SLC43A2: variants seen among roughly 807,000 people sequenced by gnomAD.
SLC43A2 encodes the protein solute carrier family 43 member 2.
SLC43A2 carries 38 observed loss-of-function variants against 63.2 expected under a neutral mutation model. That is an observed-to-expected ratio of 0.60 (90% confidence interval 0.46 to 0.79). The LOEUF (loss-of-function observed/expected upper bound fraction) is 0.79. SLC43A2 is among the 30% of genes least tolerant of loss of function. The probability of loss-of-function intolerance (pLI) is 0.00; values close to 1 mark genes in which losing one functional copy is unlikely to be tolerated. For synonymous variants in SLC43A2, 322 were observed against 331.0 expected, an observed-to-expected ratio of 0.97 and a Z score of 0.30; for missense variants, 644 against 756.2, an observed-to-expected ratio of 0.85 and a Z score of 1.74.
intron 3 of SLC43A2, among the ~76,000 whole-genome samples, chr17:1,615,821 C>G (rs940180860): frequency 7.2e-6 from 1 of 139,290 alleles, no homozygotes; most frequent in Non-Finnish European, 1.5e-5. Context: ...CTAGCCTGGG[C>G]GACAGAGGGA....
chr17:1,616,911 G>A (rs938510462), intron 2 of SLC43A2, 142 bp from the exon 3 acceptor site: 42 of 894,786 alleles, frequency 4.7e-5, no homozygotes, highest in Middle Eastern at 3.4e-4. Context: ...AGGCTACCCC[G>A]CAGCAGGCTT....
At chr17:1,576,863 G>GTTTT (rs35969643) in intron 12 of SLC43A2, 143 bp from the exon 13 acceptor site, 110 of 577,824 alleles carry the variant, frequency 1.9e-4, no homozygotes, top group Middle Eastern at 4.9e-4. Context: ...GGGCAGTTCT[G>GTTTT]TTTTTTTTTT....
chr17:1,616,294 A>G, intron 3 of SLC43A2: 1 of 500,698 alleles, frequency 2.0e-6, no homozygotes, highest in Non-Finnish European at 3.5e-6. Context: ...CTACAAAGGG[A>G]TGGGAAACAC....
intron 11 of SLC43A2, among the ~76,000 whole-genome samples, chr17:1,582,673 A>G (rs113909297): frequency 5.4e-4 from 82 of 152,294 alleles, no homozygotes; most frequent in African/African-American, 2.0e-3. Context: ...GCAGAAGACA[A>G]TCCAGGTGTC....
chr17:1,601,666 T>C (rs193005258), intron 5 of SLC43A2, among the ~76,000 whole-genome samples: 1 of 151,244 alleles, frequency 6.6e-6, no homozygotes, highest in Non-Finnish European at 1.5e-5. Context: ...TCCAAACCAA[T>C]GCAAAGGCGC....
At chr17:1,611,591 C>T (rs62088022) in intron 5 of SLC43A2, among the ~76,000 whole-genome samples, 1 of 149,316 alleles carries the variant, frequency 6.7e-6, no homozygotes, top group African/African-American at 2.5e-5. Flanking sequence ...GCCAAGATTG[C>T]GTCACTGCAC....
upstream of SLC43A2, among the ~76,000 whole-genome samples, chr17:1,629,588 C>G (rs1282302653): frequency 6.6e-6 from 1 of 152,192 alleles, no homozygotes; most frequent in Non-Finnish European, 1.5e-5. Context: ...CTCCTGAGCT[C>G]CCCCCATCAG....
At chr17:1,576,327 T>C (rs917468466) in intron 13 of SLC43A2, among the ~76,000 whole-genome samples, 8 of 151,934 alleles carry the variant, frequency 5.3e-5, no homozygotes, top group African/African-American at 1.9e-4. Flanking sequence ...CAAGTGATGC[T>C]CCCGCCTCGG....
At position 1,575,590 on chromosome 17, in the gene SLC43A2, C is replaced by T. The variant is rs1205195911; in HGVS notation, c.*14G>A. On this transcript the variant is annotated 3_prime_UTR_variant, in exon 14 of 14. Coordinates refer to ENST00000301335, the MANE Select transcript of SLC43A2 (RefSeq NM_152346.3). Reference sequence around the variant, plus strand: ...AAGCACAGGCAGGAGACCGCAGTTCCGAGGCGGCAGCCACTACACGAAGGC... The same window carrying T: ...AAGCACAGGCAGGAGACCGCAGTTCTGAGGCGGCAGCCACTACACGAAGGC... 1.2e-5 allele frequency: 20 copies of T among 1,613,712 alleles called. No individual in the cohort carries two copies. Among genetic ancestry groups the T allele is most frequent in the Admixed American group, 1.0e-4 (6 of 60,000 alleles).
In SLC43A2 at chr17:1,576,747, C is replaced by T. The variant is rs774694220; in HGVS notation, c.1425-27G>A. 1.1e-5 allele frequency: 17 copies of T among 1,604,344 alleles called. 1 individual carries two copies. The highest frequency in any genetic ancestry group is 1.4e-5 in the Non-Finnish European group (16 of 1,179,278). ...TGCAGGGCAAGCGACAGCTCACAGC[C>T]ATCCTGCCTCCTGGGCTTTGCTTGG... On this transcript the variant is annotated intron_variant, in intron 12 of 13. Transcript: ENST00000301335.
chr17:1,620,691 C>T (rs1428370533), intron 2 of SLC43A2, among the ~76,000 whole-genome samples: 6 of 152,014 alleles, frequency 3.9e-5, no homozygotes, highest in Admixed American at 1.3e-4. Flanking sequence ...TTGAGAGTCT[C>T]CCTCCTGCTG....
rs762982947 is a variant in SLC43A2, at chr17:1,590,781, G to C, written c.1078+21C>G. ...CTCAGGCCGGGGAGTGACAGCGACC[G>C]AGGCTGCCCGGGGCACCTACCTGTC... On this transcript the variant is annotated intron_variant, in intron 9 of 13. Coordinates refer to ENST00000301335, the MANE Select transcript of SLC43A2 (RefSeq NM_152346.3). The C allele has an allele frequency of 2.6e-6, 4 of 1,550,922 alleles. No homozygotes were observed. The South Asian group carries it at 4.8e-5, about 18-fold the overall frequency.
chr17:1,576,448 G>C, intron 13 of SLC43A2, 149 bp downstream of exon 13: 2 of 826,684 alleles, frequency 2.4e-6, no homozygotes, highest in Non-Finnish European at 3.6e-6. Flanking sequence ...TTCCTGCCTA[G>C]CCACCATTCA....
intron 9 of SLC43A2, chr17:1,586,807 T>C (rs2076108915): frequency 1.1e-5 from 9 of 790,348 alleles, no homozygotes; most frequent in Non-Finnish European, 1.7e-5. Flanking sequence ...ACGAGGAATG[T>C]TGATTGCCCC....
At position 1,571,618 on chromosome 17, in the gene SLC43A2, G is replaced by A. The variant is rs1428613767; in HGVS notation, c.*3986C>T. On this transcript the variant is annotated 3_prime_UTR_variant, in exon 14 of 14. Coordinates refer to ENST00000301335, the MANE Select transcript of SLC43A2 (RefSeq NM_152346.3). The surrounding 1 kb of genome is among the most constrained non-coding windows in gnomAD (Gnocchi z 5.2). The stretch of plus-strand genomic sequence containing the variant: ...TCAGCCCTGGGGCCTATGGCAAAGT[G>A]ACGCCCCCCTCGGAGTGCACGGCAG... The A allele has an allele frequency of 6.6e-6, 1 of 152,372 alleles. No homozygotes were observed. The highest frequency in any genetic ancestry group is 1.5e-5 in the Non-Finnish European group (1 of 68,172). 9.4% of individuals were successfully genotyped at this position (152,372 alleles called of 1,614,324 possible). A position where few individuals can be genotyped will look rare whatever the true frequency, so the allele number is the denominator to read the frequency against.
chr17:1,573,098 C>G lies in SLC43A2; in HGVS notation c.*2506G>C, dbSNP rs1317073985. The G allele has an allele frequency of 1.3e-5, 2 of 149,964 alleles. No individual in the cohort carries two copies. The highest frequency in any genetic ancestry group is 2.9e-5 in the Non-Finnish European group (2 of 67,894). The allele number at this position is 149,964 out of a possible 1,614,324, so 9.3% of individuals were successfully genotyped here. On this transcript the variant is annotated 3_prime_UTR_variant, in exon 14 of 14. Transcript: ENST00000301335. ...GGCCGAGGTGGGAGGATCCCTTGAG[C>G]CCATGAGTTGGAGGCCGTGGTGAGC...
chr17:1,616,714 C>T lies in SLC43A2; in HGVS notation c.216G>A (p.Val72=), dbSNP rs1361310084. 1.9e-6 allele frequency: 3 copies of T among 1,614,152 alleles called. No homozygotes were observed. The highest frequency in any genetic ancestry group is 2.2e-5 in the South Asian group (2 of 91,092). ...GGTAEPGHEE[V]SWMNGWLSCQ... ...AGCTGAGCCAGCCGTTCATCCAGCT[C>T]ACCTCCTCGTGCCCCGGCTCTGCTG... The change falls in exon 3 of 14, where the codon GTG becomes GTA. Residue 72 remains valine (V), a synonymous_variant. Coordinates refer to ENST00000301335, the MANE Select transcript of SLC43A2 (RefSeq NM_152346.3).
At chr17:1,594,351 C>T (rs1159194148) in intron 5 of SLC43A2, among the ~76,000 whole-genome samples, 2 of 152,142 alleles carry the variant, frequency 1.3e-5, no homozygotes, top group African/African-American at 2.4e-5. Flanking sequence ...GAAATCCAGG[C>T]CTAGGGCAAA....
intron 9 of SLC43A2, among the ~76,000 whole-genome samples, chr17:1,588,361 G>T (rs994317397): frequency 2.6e-5 from 4 of 151,116 alleles, no homozygotes; most frequent in African/African-American, 9.8e-5. Context: ...GCTCCAGCCC[G>T]GGTGACAAGA....
Sources: gnomAD v4.1 joint callset for allele counts (sites outside exome capture counted in the v4.1 genomes callset) on GRCh38, gnomAD v4.1.1 for gene constraint, Gnocchi (gnomAD v3.1) non-coding constraint, MANE v1.5 for transcripts, NCBI Gene and HGNC (gene_info 2026-07-23, HGNC 2026-07-21) for gene names.